The following DPP6 variants were observed in gnomAD, a reference collection of about 807,000 sequenced individuals.
DPP6 encodes the protein dipeptidyl peptidase like 6, also known as A-type potassium channel modulatory protein DPP6.
DPP6 carries 69 observed loss-of-function variants against 122.6 expected under a neutral mutation model. That is an observed-to-expected ratio of 0.56 (90% CI 0.46 to 0.69). The LOEUF (loss-of-function observed/expected upper bound fraction) is 0.69, where lower values mean the gene tolerates loss of function less well. DPP6 is among the 30% of genes least tolerant of loss of function. The probability of loss-of-function intolerance (pLI) is 0.00; values close to 1 mark genes in which losing one functional copy is unlikely to be tolerated. For missense variants in DPP6, 928 were observed against 1,116.9 expected, an observed-to-expected ratio of 0.83 and a Z score of 2.41; for synonymous variants, 418 against 433.1, an observed-to-expected ratio of 0.97 and a Z score of 0.43.
At chr7:153,884,257 G>A (rs112480466), upstream of DPP6, among the ~76,000 whole-genome samples, 1,066 of 152,224 alleles carry the variant, frequency 7.0e-3, 4 homozygotes, top group Non-Finnish European at 9.5e-3. Flanking sequence ...GAAAACATGC[G>A]TTGTTTGGTT....
chr7:153,920,012 T>C (rs1008771720), intron 1 of DPP6, among the ~76,000 whole-genome samples: 2 of 152,234 alleles, frequency 1.3e-5, no homozygotes, highest in Non-Finnish European at 2.9e-5. Context: ...TTGATTTAGT[T>C]TTACTTCTGC....
At chr7:154,249,662 C>T (rs1329934212) in intron 1 of DPP6, among the ~76,000 whole-genome samples, 3 of 152,138 alleles carry the variant, frequency 2.0e-5, no homozygotes, top group Non-Finnish European at 4.4e-5. Context: ...ATGCTACTCA[C>T]AGCCTTTTGT....
intron 1 of DPP6, among the ~76,000 whole-genome samples, chr7:153,989,761 G>A (rs1470509586): frequency 6.6e-6 from 1 of 151,938 alleles, no homozygotes; most frequent in Non-Finnish European, 1.5e-5. Context: ...CTGGTGCGAG[G>A]TTTGCCACGT....
chr7:154,575,632 G>GT (rs1831608779), intron 5 of DPP6, among the ~76,000 whole-genome samples: 4 of 119,016 alleles, frequency 3.4e-5, no homozygotes, highest in African/African-American at 9.7e-5. Flanking sequence ...GTGTGTGTGT[G>GT]GTGTGTGTGG....
chr7:154,848,319 T>C (rs1802105387), intron 16 of DPP6, among the ~76,000 whole-genome samples: 1 of 147,766 alleles, frequency 6.8e-6, no homozygotes, highest in African/African-American at 2.4e-5. Context: ...TTTCTCCACA[T>C]GCTTGCCGAC....
chr7:154,848,598 A>G (rs1448211192), intron 16 of DPP6, among the ~76,000 whole-genome samples: 3 of 152,208 alleles, frequency 2.0e-5, no homozygotes, highest in Admixed American at 6.5e-5. Context: ...CAGTATTTTC[A>G]ACACAATTCA....
intron 1 of DPP6, among the ~76,000 whole-genome samples, chr7:153,913,424 A>G (rs930538219): frequency 3.3e-5 from 5 of 152,184 alleles, no homozygotes; most frequent in African/African-American, 1.2e-4. Context: ...CACTCTTACA[A>G]CAGAGATTCA....
intron 8 of DPP6, among the ~76,000 whole-genome samples, chr7:154,762,452 A>T: frequency 6.6e-6 from 1 of 152,240 alleles, no homozygotes; most frequent in Non-Finnish European, 1.5e-5. Flanking sequence ...AATGGCAAGA[A>T]GTATCCATGG....
chr7:154,195,842 A>C (rs1286497470), intron 1 of DPP6, among the ~76,000 whole-genome samples: 1 of 151,506 alleles, frequency 6.6e-6, no homozygotes, highest in Non-Finnish European at 1.5e-5. Context: ...GTGTCCTTGC[A>C]CTCCCTGCCA....
chr7:154,239,336 G>C (rs111526146), intron 1 of DPP6, among the ~76,000 whole-genome samples: 1 of 152,106 alleles, frequency 6.6e-6, no homozygotes, highest in East Asian at 1.9e-4. Context: ...GGTTTGAACG[G>C]AGCAGTTCCA....
At chr7:154,124,743 C>T (rs965415343) in intron 1 of DPP6, among the ~76,000 whole-genome samples, 3 of 152,112 alleles carry the variant, frequency 2.0e-5, no homozygotes, top group African/African-American at 4.8e-5. Flanking sequence ...TGAGAAGACT[C>T]AGGGAAGGGC....
At chr7:154,233,988 G>A (rs1801057211) in intron 1 of DPP6, among the ~76,000 whole-genome samples, 1 of 152,152 alleles carries the variant, frequency 6.6e-6, no homozygotes. Flanking sequence ...ATTGAGTGTG[G>A]GGTTGGTCTG....
At chr7:153,956,986 G>A (rs1312172937) in intron 1 of DPP6, among the ~76,000 whole-genome samples, 1 of 152,078 alleles carries the variant, frequency 6.6e-6, no homozygotes, top group Non-Finnish European at 1.5e-5. Context: ...GTTCTTAGTT[G>A]TAAATTCTGA....
At chr7:154,541,430 C>T (rs572085325) in intron 4 of DPP6, among the ~76,000 whole-genome samples, 6 of 152,302 alleles carry the variant, frequency 3.9e-5, no homozygotes, top group South Asian at 2.1e-4. Context: ...CCACTGTACT[C>T]GACCCCAAAG....
chr7:154,664,007 G>A (rs1339859231), intron 6 of DPP6, among the ~76,000 whole-genome samples: 1 of 100,550 alleles, frequency 9.9e-6, no homozygotes, highest in Non-Finnish European at 2.4e-5. Flanking sequence ...TAGCGTATTG[G>A]CCATAGTGTT....
intron 2 of DPP6, among the ~76,000 whole-genome samples, chr7:154,452,797 C>T (rs1820500820): frequency 6.6e-6 from 1 of 152,144 alleles, no homozygotes; most frequent in Non-Finnish European, 1.5e-5. Context: ...GGCATCTTGT[C>T]CTGGAGTACA....
intron 1 of DPP6, among the ~76,000 whole-genome samples, chr7:153,965,664 C>A (rs1479817409): frequency 6.6e-6 from 1 of 152,090 alleles, no homozygotes; most frequent in Non-Finnish European, 1.5e-5. Context: ...AGGCGCCCAC[C>A]ACCACGCCTG....
chr7:154,805,091 G>A (rs2150459291), intron 15 of DPP6, 127 bp downstream of exon 15: 1 of 1,297,956 alleles, frequency 7.7e-7, no homozygotes. Context: ...CAGAGGAGTA[G>A]CTGTAGAGTC....
rs566196396 is a variant in DPP6, at chr7:154,822,768, C to T, written c.1666+15656C>T. 2.0e-3 allele frequency among the ~76,000 whole-genome samples: 304 copies of T among 152,294 alleles called. 5 individuals are homozygous for T. The highest frequency in any genetic ancestry group is 1.2e-3 in the Non-Finnish European group (81 of 68,030). On this transcript the variant is annotated intron_variant, in intron 16 of 25. Coordinates refer to ENST00000377770, the MANE Select transcript of DPP6 (RefSeq NM_130797.4). Reference sequence around the variant, plus strand: ...ATTGCTCTCTAGCCCTCATCCTGCTCCTCCATCCTATTTCCTGCTCTTCAT... The same window carrying T: ...ATTGCTCTCTAGCCCTCATCCTGCTTCTCCATCCTATTTCCTGCTCTTCAT...
Sources: gnomAD v4.1 joint callset for allele counts (sites outside exome capture counted in the v4.1 genomes callset) on GRCh38, gnomAD v4.1.1 for gene constraint, MANE v1.5 for transcripts, NCBI Gene and HGNC (gene_info 2026-07-23, HGNC 2026-07-21) for gene names.